Variants in COL9A2 observed in about 807,000 individuals in gnomAD.
COL9A2 encodes collagen alpha-2(IX) chain.
A neutral mutation model predicts 111.6 loss-of-function variants in COL9A2; 66 were observed. The observed-to-expected ratio is 0.59, with a 90% CI of 0.48 to 0.73. COL9A2 has a LOEUF of 0.73. Among genes scored for constraint, COL9A2 ranks in the 30% least tolerant of loss-of-function variants. The pLI, the probability that COL9A2 is intolerant of heterozygous loss-of-function variation, is 0.00. For synonymous variants in COL9A2, 353 were observed against 364.1 expected, an observed-to-expected ratio of 0.97 and a Z score of 0.35; for missense variants, 881 against 954.1, an observed-to-expected ratio of 0.92 and a Z score of 1.01.
At chr1:40,308,564 G>A (rs1166680886) in intron 16 of COL9A2, among the ~76,000 whole-genome samples, 1 of 152,236 alleles carries the variant, frequency 6.6e-6, no homozygotes, top group African/African-American at 2.4e-5. Flanking sequence ...TGCAGTGTGT[G>A]GATGCTGTGT....
Position 40,314,053 on chromosome 1 carries a change from T to A in COL9A2, c.249+152A>T. ...GGGTGAGAGTGAGGTTCCAGGAAGG[T>A]CACAAGTCATATCAAGGTGAGGGGG... On this transcript the variant is annotated intron_variant, in intron 4 of 31. Coordinates refer to ENST00000372748, the MANE Select transcript of COL9A2 (RefSeq NM_001852.4). The surrounding 1 kb of genome is among the most constrained non-coding windows in gnomAD (Gnocchi z 4.1). The A allele has an allele frequency of 2.2e-6, 2 of 899,936 alleles. No homozygotes were observed. The highest frequency in any genetic ancestry group is 3.7e-6 in the Non-Finnish European group (2 of 539,276). 55.7% of individuals were successfully genotyped at this position (899,936 alleles called of 1,614,324 possible).
In COL9A2 at chr1:40,303,160, ATGTGC is replaced by A; in HGVS notation, c.1569_1573del (p.Gln523HisfsTer81). 1 of 1,612,778 alleles carries A rather than the reference ATGTGC, an allele frequency of 6.2e-7. No individual in the cohort carries two copies. The highest frequency in any genetic ancestry group is 8.5e-7 in the Non-Finnish European group (1 of 1,179,570). ...CAGCATCTTCAGCGCCACATCCACG[ATGTGC>A]TGGTCAGTGGCATCCCGGCCCTGAA... On this transcript the variant is annotated frameshift_variant, in exon 29 of 32. Transcript: ENST00000372748. LOFTEE classifies it high-confidence loss of function. This position sits in a 1 kb window ranked among gnomAD's most constrained non-coding sequence, Gnocchi z 4.6.
chr1:40,301,953 CTA>C, intron 30 of COL9A2, 64 bp from the exon 31 acceptor site: 1 of 1,478,076 alleles, frequency 6.8e-7, no homozygotes, highest in Non-Finnish European at 9.3e-7. Context: ...CTATTTTTTG[CTA>C]TGTTTCACGC....
chr1:40,313,974 C>T (rs1392610860), intron 4 of COL9A2, among the ~76,000 whole-genome samples: 2 of 152,118 alleles, frequency 1.3e-5, no homozygotes, highest in Non-Finnish European at 2.9e-5. Flanking sequence ...ACCTGCACCT[C>T]CCAGAAAGCA....
rs916183879 is a variant in COL9A2, at chr1:40,304,546, A to C, written c.1162-17T>G. The stretch of plus-strand genomic sequence containing the variant: ...TTGGTCACCCTGAAATGGAAAGAGA[A>C]GGTCACAACCTCAGCAGCTCTCAGC... On this transcript the variant is annotated splice_polypyrimidine_tract_variant and intron_variant, in intron 22 of 31. Transcript: ENST00000372748. 6.8e-6 allele frequency: 11 copies of C among 1,613,916 alleles called. No homozygotes were observed. The highest frequency in any genetic ancestry group is 5.9e-6 in the Non-Finnish European group (7 of 1,180,016).
intron 4 of COL9A2, among the ~76,000 whole-genome samples, chr1:40,313,654 A>C (rs1392716315): frequency 6.6e-6 from 1 of 152,186 alleles, no homozygotes; most frequent in Non-Finnish European, 1.5e-5. Flanking sequence ...GAGGCAAGTC[A>C]TGGGGGTTTC....
At position 40,312,817 on chromosome 1, in the gene COL9A2, G is replaced by A. The variant is rs1458789663; in HGVS notation, c.250-33C>T. The A allele has an allele frequency of 6.5e-7, 1 of 1,541,802 alleles. No homozygotes were observed. Among genetic ancestry groups the A allele is most frequent in the Admixed American group, 2.0e-5 (1 of 50,972 alleles). ...AGAATGAAAATGTAGGATCAATGAG[G>A]GCCAACCTGCTCCCTGACCCACAGA... is the stretch of plus-strand genomic sequence containing the variant. On this transcript the variant is annotated intron_variant, in intron 4 of 31. Coordinates refer to ENST00000372748, the MANE Select transcript of COL9A2 (RefSeq NM_001852.4). This position sits in a 1 kb window ranked among gnomAD's most constrained non-coding sequence, Gnocchi z 6.0.
In COL9A2 at chr1:40,312,881, G is replaced by A; in HGVS notation, c.250-97C>T. The A allele has an allele frequency of 9.5e-7, 1 of 1,056,750 alleles. No individual in the cohort carries two copies. Among genetic ancestry groups the A allele is most frequent in the Non-Finnish European group, 1.4e-6 (1 of 700,372 alleles). 65.5% of individuals were successfully genotyped at this position (1,056,750 alleles called of 1,614,324 possible). ...AAGGGTCCCTCCTGGGTGGGCCGAG[G>A]CTCCTTTTTGCCACACCTCATGAAG... On this transcript the variant is annotated intron_variant, in intron 4 of 31. Transcript: ENST00000372748. The surrounding 1 kb of genome is among the most constrained non-coding windows in gnomAD (Gnocchi z 6.0).
Position 40,311,273 on chromosome 1 carries a change from CAGTT to C in COL9A2, c.529_532del (p.Asn177ValfsTer5), listed in dbSNP as rs1204763173. Reference sequence around the variant, plus strand: ...TGGGGGACCTTTCATTCCGGGTGGACAGTTGGTTGGACACTGGAAACAGAAAATC... The same window carrying C: ...TGGGGGACCTTTCATTCCGGGTGGACGGTTGGACACTGGAAACAGAAAATC... On this transcript the variant is annotated frameshift_variant, in exon 11 of 32. Coordinates refer to ENST00000372748, the MANE Select transcript of COL9A2 (RefSeq NM_001852.4). LOFTEE classifies it high-confidence loss of function. This position sits in a 1 kb window ranked among gnomAD's most constrained non-coding sequence, Gnocchi z 5.1. The C allele has an allele frequency of 1.2e-6, 2 of 1,613,988 alleles. No individual in the cohort carries two copies. Among genetic ancestry groups the C allele is most frequent in the Non-Finnish European group, 1.7e-6 (2 of 1,179,992 alleles).
Position 40,314,084 on chromosome 1 carries a change from C to T in COL9A2, c.249+121G>A. The stretch of plus-strand genomic sequence containing the variant: ...GTCATATCAAGGTGAGGGGGGCTCA[C>T]AGCTGGAGAATCTCCATCCTGCTGC... On this transcript the variant is annotated intron_variant, in intron 4 of 31. Transcript: ENST00000372748. This position sits in a 1 kb window ranked among gnomAD's most constrained non-coding sequence, Gnocchi z 4.1. 1 of 1,103,244 alleles carries T rather than the reference C, an allele frequency of 9.1e-7. No homozygotes were observed. The highest frequency in any genetic ancestry group is 1.4e-6 in the Non-Finnish European group (1 of 717,562). The allele number at this position is 1,103,244 out of a possible 1,614,324, so 68.3% of individuals were successfully genotyped here.
rs146765846 is a variant in COL9A2, at chr1:40,306,330, T to G, written c.1009-143A>C. The G allele has an allele frequency of 2.9e-4, 245 of 848,362 alleles. 1 individual carries two copies. In the African/African-American group the frequency reaches 3.3e-3, roughly 11 times the overall value. The allele number at this position is 848,362 out of a possible 1,614,324, so 52.6% of individuals were successfully genotyped here. ...AGGTCCAGCCACGGCATGATGAACT[T>G]AACTGTACATTCCCACAGTGGTGGC... is the stretch of plus-strand genomic sequence containing the variant. On this transcript the variant is annotated intron_variant, in intron 19 of 31. Coordinates refer to ENST00000372748, the MANE Select transcript of COL9A2 (RefSeq NM_001852.4).
At position 40,310,380 on chromosome 1, in the gene COL9A2, G is replaced by A; in HGVS notation, c.685-63C>T. On this transcript the variant is annotated intron_variant, in intron 13 of 31. Coordinates refer to ENST00000372748, the MANE Select transcript of COL9A2 (RefSeq NM_001852.4). The surrounding 1 kb of genome is among the most constrained non-coding windows in gnomAD (Gnocchi z 4.9). ...AGGCCCACTTCATGATACCTTGTCT[G>A]ATGCCCACCTTCAATCTTACAGTGC... 6.6e-7 allele frequency: 1 copy of A among 1,516,732 alleles called. No individual in the cohort carries two copies. The highest frequency in any genetic ancestry group is 9.1e-7 in the Non-Finnish European group (1 of 1,093,040). The allele number at this position is 1,516,732 out of a possible 1,614,324, so 94.0% of individuals were successfully genotyped here.
At position 40,310,984 on chromosome 1, in the gene COL9A2, T is replaced by C; in HGVS notation, c.630+109A>G. 1 of 1,452,128 alleles carries C rather than the reference T, an allele frequency of 6.9e-7. No homozygotes were observed. The highest frequency in any genetic ancestry group is 9.7e-7 in the Non-Finnish European group (1 of 1,034,416). The allele number at this position is 1,452,128 out of a possible 1,614,324, so 90.0% of individuals were successfully genotyped here. On this transcript the variant is annotated intron_variant, in intron 12 of 31. Coordinates refer to ENST00000372748, the MANE Select transcript of COL9A2 (RefSeq NM_001852.4). This position sits in a 1 kb window ranked among gnomAD's most constrained non-coding sequence, Gnocchi z 4.9. ...AGGCCTCCAGCCCCCGGCTCAAGGC[T>C]CTGTCCCCAGAACCCACAGGGGAAG...
In COL9A2 at chr1:40,303,394, C is replaced by A. The variant is rs1643946744; in HGVS notation, c.1548+136G>T. On this transcript the variant is annotated intron_variant, in intron 28 of 31. Coordinates refer to ENST00000372748, the MANE Select transcript of COL9A2 (RefSeq NM_001852.4). The surrounding 1 kb of genome is among the most constrained non-coding windows in gnomAD (Gnocchi z 4.6). ...CCCTCAGGCTGCACTCACAGCCTTCCTGTCTGCTCTGGGGCTTGGAACCAG... is the reference window on the plus strand; with the variant it reads ...CCCTCAGGCTGCACTCACAGCCTTCATGTCTGCTCTGGGGCTTGGAACCAG... The A allele has an allele frequency of 3.8e-6, 5 of 1,331,358 alleles. No homozygotes were observed. In the East Asian group the frequency reaches 1.0e-4, roughly 27 times the overall value. The allele number at this position is 1,331,358 out of a possible 1,614,324, so 82.5% of individuals were successfully genotyped here.
At position 40,311,388 on chromosome 1, in the gene COL9A2, G is replaced by A. The variant is rs1644122208; in HGVS notation, c.520-102C>T. On this transcript the variant is annotated intron_variant, in intron 10 of 31. Coordinates refer to ENST00000372748, the MANE Select transcript of COL9A2 (RefSeq NM_001852.4). This position sits in a 1 kb window ranked among gnomAD's most constrained non-coding sequence, Gnocchi z 5.1. ...CTCCGCCTCACCTGGTGGAACCCCT[G>A]CACTGCAGCCCCTCCCCATCTCTCC... The A allele has an allele frequency of 1.3e-6, 2 of 1,571,458 alleles. No individual in the cohort carries two copies. The highest frequency in any genetic ancestry group is 1.8e-5 in the Admixed American group (1 of 56,784).
intron 4 of COL9A2, among the ~76,000 whole-genome samples, chr1:40,313,673 C>T (rs1644168025): frequency 6.6e-6 from 1 of 152,182 alleles, no homozygotes; most frequent in Non-Finnish European, 1.5e-5. Context: ...TCTCCTTTCT[C>T]CCATCTTTCA....
rs765872341 is a variant in COL9A2 at position 40,310,129 on chromosome 1, G to A, written c.774C>T (p.Ile258=). 4.8e-5 allele frequency: 77 copies of A among 1,613,902 alleles called. No homozygotes were observed. Among genetic ancestry groups the A allele is most frequent in the South Asian group, 1.1e-4 (10 of 91,092 alleles). The change falls in exon 15 of 32, where the codon ATC becomes ATT. Residue 258 remains isoleucine, a synonymous_variant. Coordinates refer to ENST00000372748, the MANE Select transcript of COL9A2 (RefSeq NM_001852.4). The surrounding 1 kb of genome is among the most constrained non-coding windows in gnomAD (Gnocchi z 4.9). ...PHGYKGMVGA[I]GATGPPGEEG... ...GGCTTACCGGTGGCCCAGTGGCACC[G>A]ATAGCGCCCACCATGCCTTTATATC...
In COL9A2 at chr1:40,310,449, A is replaced by T; in HGVS notation, c.685-132T>A. ...AGAGTCTCTGTCTCATGGATGGGAC[A>T]TGGAGGTTCAGAGATGAGGAGGGAC... On this transcript the variant is annotated intron_variant, in intron 13 of 31. Transcript: ENST00000372748. This position sits in a 1 kb window ranked among gnomAD's most constrained non-coding sequence, Gnocchi z 4.9. The T allele has an allele frequency of 1.0e-6, 1 of 969,848 alleles. No individual in the cohort carries two copies. Among genetic ancestry groups the T allele is most frequent in the East Asian group, 2.5e-5 (1 of 39,830 alleles). The allele number at this position is 969,848 out of a possible 1,614,324, so 60.1% of individuals were successfully genotyped here.
chr1:40,315,780 C>G (rs1341064392), intron 1 of COL9A2, 116 bp from the exon 2 acceptor site: 2 of 653,490 alleles, frequency 3.1e-6, no homozygotes, highest in Admixed American at 5.9e-5. Flanking sequence ...TCCGCGAACT[C>G]CCACGTATTG....
Sources: gnomAD v4.1 joint callset for allele counts (sites outside exome capture counted in the v4.1 genomes callset) on GRCh38, gnomAD v4.1.1 for gene constraint, Gnocchi (gnomAD v3.1) non-coding constraint, MANE v1.5 for transcripts, NCBI Gene and HGNC (gene_info 2026-07-23, HGNC 2026-07-21) for gene names.